The following XXYLT1 variants were observed in gnomAD, a reference collection of about 807,000 sequenced individuals.
The protein encoded by XXYLT1 is xyloside xylosyltransferase 1, also known as UDP-xylose:alpha-xyloside alpha-1,3-xylosyltransferase.
XXYLT1 carries 20 observed loss-of-function variants against 28.9 expected under a neutral mutation model. The observed-to-expected ratio is 0.69, with a 90% CI of 0.49 to 1.00. XXYLT1 has a LOEUF of 1.00. Ranked by LOEUF, XXYLT1 falls within the 50% of genes least tolerant of loss-of-function variation. The probability of loss-of-function intolerance (pLI) is 0.00; values close to 1 mark genes in which losing one functional copy is unlikely to be tolerated. For synonymous variants in XXYLT1, 257 were observed against 253.8 expected, an observed-to-expected ratio of 1.01 and a Z score of -0.12; for missense variants, 542 against 560.1, an observed-to-expected ratio of 0.97 and a Z score of 0.33.
chr3:195,157,575 G>A (rs976660339), intron 2 of XXYLT1, among the ~76,000 whole-genome samples: 3 of 152,178 alleles, frequency 2.0e-5, no homozygotes, highest in Non-Finnish European at 2.9e-5. Flanking sequence ...AGGCACTGGC[G>A]AAGGTCATTC....
intron 2 of XXYLT1, among the ~76,000 whole-genome samples, chr3:195,162,680 C>T (rs1560128640): frequency 6.6e-6 from 1 of 152,216 alleles, no homozygotes; most frequent in African/African-American, 2.4e-5. Context: ...CATGAGTCTC[C>T]TTCCTCATCC....
At chr3:195,238,047 T>C (rs898602654) in intron 1 of XXYLT1, among the ~76,000 whole-genome samples, 2 of 152,184 alleles carry the variant, frequency 1.3e-5, no homozygotes, top group African/African-American at 2.4e-5. Context: ...TCTCTCTCCC[T>C]GGCTTCAAGA....
intron 2 of XXYLT1, among the ~76,000 whole-genome samples, chr3:195,182,293 AT>A (rs1386984565): frequency 2.0e-5 from 3 of 152,220 alleles, no homozygotes; most frequent in Admixed American, 6.5e-5. Context: ...CTAACCTCTA[AT>A]AATTGCTCAG....
In XXYLT1 at chr3:195,245,769, G is replaced by A. The variant is rs944306824; in HGVS notation, c.505-18913C>T. ...GATGTGAGTTAGCTCTCGCTCAGGC[G>A]GTTCACGGCAGATCTGGTTGTAGAA... On this transcript the variant is annotated intron_variant, in intron 1 of 3. Transcript: ENST00000310380. Among the ~76,000 whole-genome samples the A allele has an allele frequency of 4.6e-5, 7 of 152,148 alleles. 1 individual carries two copies. The highest frequency in any genetic ancestry group is 2.1e-4 in the South Asian group (1 of 4,832).
rs1463625761 is a variant in XXYLT1, at chr3:195,270,724, G to C, written c.335C>G (p.Ala112Gly). 1.3e-6 allele frequency: 2 copies of C among 1,590,640 alleles called. No individual in the cohort carries two copies. Among genetic ancestry groups the C allele is most frequent in the Non-Finnish European group, 1.7e-6 (2 of 1,172,646 alleles). The change falls in exon 1 of 4, where the codon GCC (alanine) becomes GGC (glycine). Residue 112 changes from alanine (A) to glycine (G), a missense_variant. Ala to Gly is a moderately conservative substitution (Grantham distance 60). Coordinates refer to ENST00000310380, the MANE Select transcript of XXYLT1 (RefSeq NM_152531.5). ...LMMFTKAEHN[A>G]ALQAKARVAL... ...GACGCGGGCCTTGGCCTGCAGCGCG[G>C]CATTGTGCTCCGCCTTGGTGAACAT... is the stretch of plus-strand genomic sequence containing the variant.
At chr3:195,127,552 G>A (rs951036381) in intron 3 of XXYLT1, among the ~76,000 whole-genome samples, 2 of 152,156 alleles carry the variant, frequency 1.3e-5, no homozygotes, top group African/African-American at 4.8e-5. Flanking sequence ...GAGACAGGAG[G>A]ATTACTTGAG....
At chr3:195,220,250 T>C (rs764151786) in intron 2 of XXYLT1, among the ~76,000 whole-genome samples, 3 of 152,154 alleles carry the variant, frequency 2.0e-5, no homozygotes, top group Non-Finnish European at 2.9e-5. Flanking sequence ...CAAGCGATTC[T>C]CCCGCCTCAG....
In XXYLT1 at chr3:195,150,894, T is replaced by TCC. The variant is rs367683237; in HGVS notation, c.785+5554_785+5555insGG. On this transcript the variant is annotated intron_variant, in intron 3 of 3. Coordinates refer to ENST00000310380, the MANE Select transcript of XXYLT1 (RefSeq NM_152531.5). This position sits in a 1 kb window ranked among gnomAD's most constrained non-coding sequence, Gnocchi z 4.7. ...CTCTCTCCCTCTCCCTCTCCCTCTC[T>TCC]CTCTCTCCATCACTCCAGGGTCAGC... Among the ~76,000 whole-genome samples, 36,679 of 150,358 alleles carry TCC rather than the reference T, an allele frequency of 0.24. 5,244 individuals are homozygous for TCC. The highest frequency in any genetic ancestry group is 0.56 in the East Asian group (2,808 of 5,014).
chr3:195,109,915 GT>G (rs1448838725), intron 3 of XXYLT1, among the ~76,000 whole-genome samples: 1 of 55,898 alleles, frequency 1.8e-5, no homozygotes, highest in Non-Finnish European at 4.1e-5. Flanking sequence ...TGTGGTGTGT[GT>G]GGGGGTATAT....
chr3:195,252,718 A>ACACG lies in XXYLT1; in HGVS notation c.504+17836_504+17837insCGTG, dbSNP rs1391609551. ...CACACACACACACACACACACACAC[A>ACACG]CACACACACAGAGAGAGAGAGAGAG... On this transcript the variant is annotated intron_variant, in intron 1 of 3. Transcript: ENST00000310380. Among the ~76,000 whole-genome samples the ACACG allele has an allele frequency of 5.0e-5, 7 of 140,988 alleles. No individual in the cohort carries two copies. The East Asian group carries it at 1.4e-3, about 28-fold the overall frequency. The allele number at this position is 140,988 out of a possible 152,430, so 92.5% of individuals were successfully genotyped here.
At chr3:195,090,858 T>A (rs1226617329) in intron 3 of XXYLT1, among the ~76,000 whole-genome samples, 1 of 151,098 alleles carries the variant, frequency 6.6e-6, no homozygotes, top group Non-Finnish European at 1.5e-5. Context: ...ACCACCGATC[T>A]CACAGAAATA....
In XXYLT1 at chr3:195,120,874, G is replaced by A. The variant is rs755058675; in HGVS notation, c.785+35575C>T. 7.9e-5 allele frequency among the ~76,000 whole-genome samples: 12 copies of A among 152,186 alleles called. No homozygotes were observed. The South Asian group carries it at 8.3e-4, about 10-fold the overall frequency. Reference sequence around the variant, plus strand: ...GCTCCTGCATGTCAGGCCAGCCCCCGCCCTGTTCCCAGACAGTCAGGGTTC... The same window carrying A: ...GCTCCTGCATGTCAGGCCAGCCCCCACCCTGTTCCCAGACAGTCAGGGTTC... On this transcript the variant is annotated intron_variant, in intron 3 of 3. Transcript: ENST00000310380.
At chr3:195,221,957 A>C (rs986410361) in intron 2 of XXYLT1, among the ~76,000 whole-genome samples, 7 of 152,120 alleles carry the variant, frequency 4.6e-5, no homozygotes, top group Non-Finnish European at 7.4e-5. Flanking sequence ...CCAAAGTCAG[A>C]GCCAGCATGT....
intron 2 of XXYLT1, among the ~76,000 whole-genome samples, chr3:195,181,173 G>C (rs1225791402): frequency 1.3e-5 from 2 of 152,148 alleles, no homozygotes; most frequent in Non-Finnish European, 2.9e-5. Context: ...GGACTGACTT[G>C]CTTCCCCTGA....
chr3:195,111,412 A>C (rs1033958609), intron 3 of XXYLT1, among the ~76,000 whole-genome samples: 1 of 152,098 alleles, frequency 6.6e-6, no homozygotes, highest in Non-Finnish European at 1.5e-5. Flanking sequence ...AATCCATAGC[A>C]GAGAGGGGAG....
chr3:195,250,564 CAAA>C (rs112929194), intron 1 of XXYLT1, among the ~76,000 whole-genome samples: 2 of 107,368 alleles, frequency 1.9e-5, no homozygotes, highest in East Asian at 2.7e-4. Flanking sequence ...AACTCCATCT[CAAA>C]AAAAAAAAAA....
At chr3:195,110,198 T>C (rs1577038346) in intron 3 of XXYLT1, among the ~76,000 whole-genome samples, 13 of 11,326 alleles carry the variant, frequency 1.1e-3, no homozygotes, top group South Asian at 7.8e-3. Flanking sequence ...GGGTGAGGTG[T>C]ATGTGTGGTG....
chr3:195,156,677 C>T (rs1341856158), intron 2 of XXYLT1, 96 bp from the exon 3 acceptor site: 3 of 1,487,370 alleles, frequency 2.0e-6, no homozygotes, highest in African/African-American at 2.8e-5. Context: ...GAAAAGGGCA[C>T]TGGACTCTTA....
chr3:195,105,410 C>A (rs1717028216), intron 3 of XXYLT1, among the ~76,000 whole-genome samples: 1 of 152,120 alleles, frequency 6.6e-6, no homozygotes, highest in Middle Eastern at 3.4e-3. Context: ...AGGATATTCA[C>A]CAAAGTTTAA....
Sources: allele counts gnomAD v4.1 joint callset (sites outside exome capture counted in the v4.1 genomes callset), GRCh38; gene constraint gnomAD v4.1.1; non-coding constraint Gnocchi (gnomAD v3.1); transcripts MANE v1.5; gene names NCBI Gene and HGNC (gene_info 2026-07-23, HGNC 2026-07-21).